Variants in TBC1D16 observed in about 807,000 individuals in gnomAD.
The protein encoded by TBC1D16 is TBC1 domain family member 16.
TBC1D16 carries 58 observed loss-of-function variants against 74.7 expected under a neutral mutation model. The ratio of observed to expected loss-of-function variants is 0.78; its 90% CI spans 0.63 to 0.97. The LOEUF is 0.97. Among genes scored for constraint, TBC1D16 ranks in the 50% least tolerant of loss-of-function variants. TBC1D16 has a pLI of 0.00. For synonymous variants in TBC1D16, 493 were observed against 474.7 expected (o/e 1.04, Z -0.50); for missense variants, 1,014 against 1,079.5 (o/e 0.94, Z 0.85).
Position 80,010,621 on chromosome 17 carries a change from G to A in TBC1D16, c.318C>T (p.Arg106=). The change falls in exon 3 of 12, where the codon CGC becomes CGT. Residue 106 remains arginine (R), a synonymous_variant. Transcript: ENST00000310924. The surrounding 1 kb of genome is among the most constrained non-coding windows in gnomAD (Gnocchi z 8.8). ...GCCGGCCCCGAGGGCGGGGTGCCTT[G>A]CGAACGGGGGAGCTCTCGGGTGTGA... ...RYITPESSPV[R]KAPRPRGRRT... The A allele has an allele frequency of 6.3e-7, 1 of 1,579,120 alleles. No homozygotes were observed. Among genetic ancestry groups the A allele is most frequent in the Non-Finnish European group, 8.6e-7 (1 of 1,165,338 alleles).
At chr17:79,949,693 G>A in intron 7 of TBC1D16, 24 bp downstream of exon 7, 1 of 1,590,956 alleles carries the variant, frequency 6.3e-7, no homozygotes, top group Non-Finnish European at 8.6e-7. Flanking sequence ...CGGCGGGGTG[G>A]GCCGGGCTGG....
chr17:79,981,636 G>C lies in TBC1D16; in HGVS notation c.779+28524C>G, dbSNP rs372174954. Reference sequence around the variant, plus strand: ...CCAGCAACACTTCGTTTTCCAAAGCGGGGAGGCCAAACCTCCAAAGCTGGG... The same window carrying C: ...CCAGCAACACTTCGTTTTCCAAAGCCGGGAGGCCAAACCTCCAAAGCTGGG... On this transcript the variant is annotated intron_variant, in intron 3 of 11. Transcript: ENST00000310924. This position sits in a 1 kb window ranked among gnomAD's most constrained non-coding sequence, Gnocchi z 6.9. Among the ~76,000 whole-genome samples the C allele has an allele frequency of 6.6e-6, 1 of 152,234 alleles. No homozygotes were observed. Among genetic ancestry groups the C allele is most frequent in the Non-Finnish European group, 1.5e-5 (1 of 68,042 alleles).
At position 79,979,410 on chromosome 17, in the gene TBC1D16, G is replaced by A. The variant is rs1462383207; in HGVS notation, c.780-26592C>T. Among the ~76,000 whole-genome samples the A allele has an allele frequency of 6.6e-6, 1 of 152,184 alleles. No homozygotes were observed. On this transcript the variant is annotated intron_variant, in intron 3 of 11. Coordinates refer to ENST00000310924, the MANE Select transcript of TBC1D16 (RefSeq NM_019020.4). This position sits in a 1 kb window ranked among gnomAD's most constrained non-coding sequence, Gnocchi z 4.8. Reference sequence around the variant, plus strand: ...GTGCCGCCAATCACGTGGCCCTCTCGAGGTGAAGCTGCGACACTGTGTGGA... The same window carrying A: ...GTGCCGCCAATCACGTGGCCCTCTCAAGGTGAAGCTGCGACACTGTGTGGA...
At position 79,961,457 on chromosome 17, in the gene TBC1D16, C is replaced by T. The variant is rs1198223183; in HGVS notation, c.780-8639G>A. On this transcript the variant is annotated intron_variant, in intron 3 of 11. Coordinates refer to ENST00000310924, the MANE Select transcript of TBC1D16 (RefSeq NM_019020.4). The surrounding 1 kb of genome is among the most constrained non-coding windows in gnomAD (Gnocchi z 4.8). ...GTTCAGTAATTTCTTAAAAATTAAA[C>T]ACATGCCTGTTTCCAGTTATTCCAT... 6.6e-6 allele frequency among the ~76,000 whole-genome samples: 1 copy of T among 152,224 alleles called. No homozygotes were observed. The highest frequency in any genetic ancestry group is 1.5e-5 in the Non-Finnish European group (1 of 68,030).
At chr17:80,006,029 G>C (rs571515699) in intron 3 of TBC1D16, among the ~76,000 whole-genome samples, 1 of 152,060 alleles carries the variant, frequency 6.6e-6, no homozygotes, top group Non-Finnish European at 1.5e-5. Context: ...CCTCCGGGGG[G>C]ACTCAACTCC....
rs776270455 is a variant in TBC1D16 at position 79,938,136 on chromosome 17, G to T, written c.*2723C>A. Reference sequence around the variant, plus strand: ...GAATAATCCCGGGGCAACAGCTGCCGCGGGGTTTTTGGCTGGTTTCCTCTA... The same window carrying T: ...GAATAATCCCGGGGCAACAGCTGCCTCGGGGTTTTTGGCTGGTTTCCTCTA... On this transcript the variant is annotated 3_prime_UTR_variant, in exon 12 of 12. Transcript: ENST00000310924. The T allele has an allele frequency of 3.9e-5, 6 of 152,210 alleles. 1 individual carries two copies. The highest frequency in any genetic ancestry group is 2.0e-4 in the Admixed American group (3 of 15,284). 9.4% of individuals were successfully genotyped at this position (152,210 alleles called of 1,614,324 possible). A position where few individuals can be genotyped will look rare whatever the true frequency, so the allele number is the denominator to read the frequency against.
Position 79,954,417 on chromosome 17 carries a change from CCCACCTG to C in TBC1D16, c.780-1606_780-1600del, listed in dbSNP as rs1398612103. Among the ~76,000 whole-genome samples the C allele has an allele frequency of 6.6e-6, 1 of 152,156 alleles. No homozygotes were observed. Among genetic ancestry groups the C allele is most frequent in the Admixed American group, 6.5e-5 (1 of 15,284 alleles). The stretch of plus-strand genomic sequence containing the variant: ...GGTGAGTGGCAGGTGGCCTTTCTTC[CCCACCTG>C]CCTAAGGAAGTCAGCCGAACAGGTC... On this transcript the variant is annotated intron_variant, in intron 3 of 11. Coordinates refer to ENST00000310924, the MANE Select transcript of TBC1D16 (RefSeq NM_019020.4). The surrounding 1 kb of genome is among the most constrained non-coding windows in gnomAD (Gnocchi z 5.5).
chr17:80,028,957 G>A (rs1478421717), intron 1 of TBC1D16, among the ~76,000 whole-genome samples: 1 of 152,098 alleles, frequency 6.6e-6, no homozygotes, highest in African/African-American at 2.4e-5. Flanking sequence ...TGACCAGTAG[G>A]TAGGGCCAGA....
At chr17:80,006,226 T>TTCTCTCTC (rs113353447) in intron 3 of TBC1D16, among the ~76,000 whole-genome samples, 1,791 of 148,886 alleles carry the variant, frequency 0.012, 13 homozygotes, top group Middle Eastern at 0.035. Context: ...CTCTCTTTCT[T>TTCTCTCTC]TCTCTCTCTC....
In TBC1D16 at chr17:79,994,967, C is replaced by CCTTTTTGTTTGTTTT. The variant is rs1201121804; in HGVS notation, c.779+15178_779+15192dup. Among the ~76,000 whole-genome samples the CCTTTTTGTTTGTTTT allele has an allele frequency of 6.6e-6, 1 of 152,172 alleles. No homozygotes were observed. Among genetic ancestry groups the CCTTTTTGTTTGTTTT allele is most frequent in the Non-Finnish European group, 1.5e-5 (1 of 68,024 alleles). On this transcript the variant is annotated intron_variant, in intron 3 of 11. Transcript: ENST00000310924. This position sits in a 1 kb window ranked among gnomAD's most constrained non-coding sequence, Gnocchi z 4.6. ...GCTGGGTAATTTACAAAAATTTTCA[C>CCTTTTTGTTTGTTTT]CTTTTTGTTTGTTTTCTTTTTGTTT...
intron 3 of TBC1D16, among the ~76,000 whole-genome samples, chr17:79,964,303 A>G (rs934206583): frequency 1.3e-5 from 2 of 152,276 alleles, no homozygotes; most frequent in East Asian, 3.9e-4. Flanking sequence ...GTTGAGTTTT[A>G]GGAGTTCTCT....
rs1211886106 is a variant in TBC1D16 at position 79,975,502 on chromosome 17, T to A, written c.780-22684A>T. ...TCCTTGATCAGTTACACAAAAAGCTTGCTCAAAAGAATGGGACCGGGAGCA... is the reference window on the plus strand; with the variant it reads ...TCCTTGATCAGTTACACAAAAAGCTAGCTCAAAAGAATGGGACCGGGAGCA... On this transcript the variant is annotated intron_variant, in intron 3 of 11. Coordinates refer to ENST00000310924, the MANE Select transcript of TBC1D16 (RefSeq NM_019020.4). This position sits in a 1 kb window ranked among gnomAD's most constrained non-coding sequence, Gnocchi z 4.5. 1.3e-5 allele frequency among the ~76,000 whole-genome samples: 2 copies of A among 152,138 alleles called. No homozygotes were observed. The highest frequency in any genetic ancestry group is 4.8e-5 in the African/African-American group (2 of 41,426).
intron 2 of TBC1D16, among the ~76,000 whole-genome samples, chr17:80,011,750 C>T (rs2035902306): frequency 6.6e-6 from 1 of 151,436 alleles, no homozygotes; most frequent in Admixed American, 6.6e-5. Context: ...GGCGTGAACC[C>T]AGGAGACGGA....
intron 3 of TBC1D16, among the ~76,000 whole-genome samples, chr17:79,968,009 T>C (rs2033913030): frequency 6.6e-6 from 1 of 152,248 alleles, no homozygotes; most frequent in Admixed American, 6.5e-5. Context: ...AAAAATTTTT[T>C]TGAGACAGGG....
chr17:79,977,881 C>A (rs141055890), intron 3 of TBC1D16, among the ~76,000 whole-genome samples: 193 of 152,338 alleles, frequency 1.3e-3, no homozygotes, highest in African/African-American at 4.6e-3. Flanking sequence ...GCTGCCAGTT[C>A]GAAGAGGCAG....
At chr17:79,964,876 A>G (rs2033774721) in intron 3 of TBC1D16, among the ~76,000 whole-genome samples, 1 of 152,172 alleles carries the variant, frequency 6.6e-6, no homozygotes, top group Non-Finnish European at 1.5e-5. Flanking sequence ...ATATAAAAAT[A>G]TACTATCAAT....
In TBC1D16 at chr17:79,944,028, A is replaced by G; in HGVS notation, c.1908+880T>C. ...GAAACCTAGACCCGGGCCAGGGGCG[A>G]GCCGATGACCGCATGCAAAGGCGGC... is the stretch of plus-strand genomic sequence containing the variant. On this transcript the variant is annotated intron_variant, in intron 10 of 11. Coordinates refer to ENST00000310924, the MANE Select transcript of TBC1D16 (RefSeq NM_019020.4). This position sits in a 1 kb window ranked among gnomAD's most constrained non-coding sequence, Gnocchi z 7.7. The G allele has an allele frequency of 2.0e-6, 3 of 1,535,602 alleles. No homozygotes were observed. Among genetic ancestry groups the G allele is most frequent in the South Asian group, 2.4e-5 (2 of 84,036 alleles).
At chr17:79,958,291 C>A (rs1388204391) in intron 3 of TBC1D16, among the ~76,000 whole-genome samples, 2 of 150,630 alleles carry the variant, frequency 1.3e-5, no homozygotes, top group African/African-American at 4.9e-5. Flanking sequence ...AAGATCTCGG[C>A]TCACTGCAAC....
At chr17:80,022,996 G>A (rs2036337798) in intron 1 of TBC1D16, among the ~76,000 whole-genome samples, 1 of 149,920 alleles carries the variant, frequency 6.7e-6, no homozygotes, top group African/African-American at 2.5e-5. Context: ...CCGTGACCCG[G>A]AGGCCTATGT....
Sources: gnomAD v4.1 joint callset for allele counts (sites outside exome capture counted in the v4.1 genomes callset) on GRCh38, gnomAD v4.1.1 for gene constraint, Gnocchi (gnomAD v3.1) non-coding constraint, MANE v1.5 for transcripts, NCBI Gene and HGNC (gene_info 2026-07-23, HGNC 2026-07-21) for gene names.